The following CPSF6 variants were observed in gnomAD, a reference collection of about 807,000 sequenced individuals.
The protein encoded by CPSF6 is cleavage and polyadenylation specificity factor subunit 6.
Under a neutral mutation model 56.7 loss-of-function variants are expected in CPSF6, and 10 were observed. The observed-to-expected ratio is 0.18, with a 90% confidence interval of 0.11 to 0.30. The LOEUF is 0.30. Ranked by LOEUF, CPSF6 falls within the 10% of genes least tolerant of loss-of-function variation. The pLI is 1.00. For synonymous variants in CPSF6, 248 were observed against 244.8 expected, an observed-to-expected ratio of 1.01 and a Z score of -0.12; for missense variants, 419 against 722.9, an observed-to-expected ratio of 0.58 and a Z score of 4.82.
At chr12:69,260,535 A>G (rs1688999239) in intron 8 of CPSF6, among the ~76,000 whole-genome samples, 1 of 151,766 alleles carries the variant, frequency 6.6e-6, no homozygotes, top group African/African-American at 2.4e-5. Flanking sequence ...ATGTTTGACC[A>G]CCTCACTTTA....
intron 1 of CPSF6, among the ~76,000 whole-genome samples, chr12:69,240,363 C>T (rs11177568): frequency 0.013 from 2,003 of 152,310 alleles, 88 homozygotes; most frequent in East Asian, 0.071. Context: ...GGTGCGGGCT[C>T]ATTTGCAACA....
intron 1 of CPSF6, among the ~76,000 whole-genome samples, chr12:69,239,998 G>C (rs2120381383): frequency 6.6e-6 from 1 of 151,334 alleles, no homozygotes; most frequent in South Asian, 2.1e-4. Context: ...CCTATTGTTG[G>C]CGGCACCCGG....
rs61337613 is a variant in CPSF6 at position 69,250,590 on chromosome 12, CAAAAAAAAAAAAAA to C, written c.61-535_61-522del. Among the ~76,000 whole-genome samples the C allele has an allele frequency of 6.1e-5, 3 of 48,862 alleles. No homozygotes were observed. The South Asian group carries it at 2.1e-3, about 35-fold the overall frequency. 32.1% of individuals were successfully genotyped at this position (48,862 alleles called of 152,430 possible). ...GCAATGTAGCGAGACCTGGTCTCTACAAAAAAAAAAAAAAAAAGAAAAAAAAGAAAAGAAATAAA... is the reference window on the plus strand; with the variant it reads ...GCAATGTAGCGAGACCTGGTCTCTACAAAGAAAAAAAAGAAAAGAAATAAA... On this transcript the variant is annotated intron_variant, in intron 1 of 9. Coordinates refer to ENST00000435070, the MANE Select transcript of CPSF6 (RefSeq NM_007007.3).
intron 6 of CPSF6, 165 bp from the exon 7 acceptor site, chr12:69,259,263 A>T: frequency 1.3e-6 from 1 of 783,888 alleles, no homozygotes; most frequent in Non-Finnish European, 1.5e-6. Flanking sequence ...GAGAATTTTT[A>T]GATTTGTTCT....
intron 1 of CPSF6, among the ~76,000 whole-genome samples, chr12:69,248,149 T>C (rs754383141): frequency 2.0e-5 from 3 of 152,260 alleles, no homozygotes; most frequent in Non-Finnish European, 4.4e-5. Context: ...GATTGTGATA[T>C]ACCAGGTTAG....
At chr12:69,247,455 G>A (rs1871973448) in intron 1 of CPSF6, among the ~76,000 whole-genome samples, 1 of 151,240 alleles carries the variant, frequency 6.6e-6, no homozygotes, top group Non-Finnish European at 1.5e-5. Context: ...ATGAACAGCA[G>A]ATAAGATTGG....
intron 9 of CPSF6, 59 bp downstream of exon 9, chr12:69,262,621 C>G (rs1872795506): frequency 6.5e-7 from 1 of 1,527,200 alleles, no homozygotes; most frequent in South Asian, 1.3e-5. Flanking sequence ...ACTATAACTC[C>G]AAGGCTACTG....
At chr12:69,253,819 T>C (rs1872370486) in intron 3 of CPSF6, among the ~76,000 whole-genome samples, 1 of 152,204 alleles carries the variant, frequency 6.6e-6, no homozygotes, top group Non-Finnish European at 1.5e-5. Flanking sequence ...TTTACCTTTC[T>C]TATTTTTGGT....
intron 1 of CPSF6, among the ~76,000 whole-genome samples, chr12:69,248,343 A>G (rs1229746219): frequency 3.9e-5 from 6 of 152,178 alleles, no homozygotes; most frequent in African/African-American, 1.2e-4. Flanking sequence ...CCCTCAGACC[A>G]TATATTGTGA....
chr12:69,256,015 G>A (rs971214738), intron 3 of CPSF6, among the ~76,000 whole-genome samples: 1 of 152,148 alleles, frequency 6.6e-6, no homozygotes, highest in Non-Finnish European at 1.5e-5. Context: ...TTCTTTTAAT[G>A]TTGTATATTT....
chr12:69,252,390 C>G (rs938713965), intron 2 of CPSF6, among the ~76,000 whole-genome samples: 1 of 152,168 alleles, frequency 6.6e-6, no homozygotes, highest in African/African-American at 2.4e-5. Context: ...TCTTTTAAAA[C>G]TAAATGTAAC....
chr12:69,240,273 C>G (rs540234490), intron 1 of CPSF6, among the ~76,000 whole-genome samples: 1 of 152,228 alleles, frequency 6.6e-6, no homozygotes, highest in Non-Finnish European at 1.5e-5. Flanking sequence ...GCCCAGTCCC[C>G]GGGGCTCTCC....
chr12:69,250,599 A>G (rs570122533), intron 1 of CPSF6, among the ~76,000 whole-genome samples: 24 of 110,318 alleles, frequency 2.2e-4, no homozygotes, highest in African/African-American at 7.2e-4. Flanking sequence ...ACAAAAAAAA[A>G]AAAAAAAAGA....
At chr12:69,249,151 TCGGG>T (rs1390755522) in intron 1 of CPSF6, among the ~76,000 whole-genome samples, 260 of 21,064 alleles carry the variant, frequency 0.012, no homozygotes, top group African/African-American at 0.019. Context: ...TCCCAGCTAC[TCGGG>T]GGGGGGGGGG....
intron 1 of CPSF6, among the ~76,000 whole-genome samples, chr12:69,248,931 TTTTTTC>T (rs1167304429): frequency 1.3e-5 from 2 of 152,074 alleles, no homozygotes; most frequent in African/African-American, 4.8e-5. Context: ...CCTACTAGGC[TTTTTTC>T]TTTTTCTTTT....
At chr12:69,256,483 C>T (rs1474416481) in intron 3 of CPSF6, among the ~76,000 whole-genome samples, 1 of 152,038 alleles carries the variant, frequency 6.6e-6, no homozygotes, top group Admixed American at 6.5e-5. Flanking sequence ...GGCTGGAGTG[C>T]AGTAGTGTGA....
At position 69,256,832 on chromosome 12, in the gene CPSF6, G is replaced by A. The variant is rs1245272717; in HGVS notation, c.510G>A (p.Gln170=). ...NKQFLSQFEM[Q]SRKTTQSGQM... ...AGTTCCTGAGTCAATTTGAAATGCA[G>A]TCCAGGAAAAGTAAGCAGTCCTCAG... Residue 170 remains glutamine, a synonymous_variant, in exon 4 of 10, where the codon CAG becomes CAA. Coordinates refer to ENST00000435070, the MANE Select transcript of CPSF6 (RefSeq NM_007007.3). 6.2e-7 allele frequency: 1 copy of A among 1,605,818 alleles called. No homozygotes were observed. Among genetic ancestry groups the A allele is most frequent in the East Asian group, 2.2e-5 (1 of 44,790 alleles).
intron 9 of CPSF6, among the ~76,000 whole-genome samples, chr12:69,264,191 A>G (rs756407799): frequency 2.6e-5 from 4 of 152,012 alleles, no homozygotes; most frequent in Non-Finnish European, 5.9e-5. Context: ...ATGCTTACCT[A>G]TGTCAGTCAT....
At chr12:69,266,558 A>C (rs1872992520) in intron 9 of CPSF6, among the ~76,000 whole-genome samples, 1 of 152,206 alleles carries the variant, frequency 6.6e-6, no homozygotes, top group African/African-American at 2.4e-5. Flanking sequence ...AGTTTGTAAA[A>C]TAGATTGTTT....
Sources: gnomAD v4.1 joint callset for allele counts (sites outside exome capture counted in the v4.1 genomes callset) on GRCh38, gnomAD v4.1.1 for gene constraint, MANE v1.5 for transcripts, NCBI Gene and HGNC (gene_info 2026-07-23, HGNC 2026-07-21) for gene names.